The following STK17B variants were observed in gnomAD, a reference collection of about 807,000 sequenced individuals.
STK17B encodes the protein serine/threonine-protein kinase 17B.
Under a neutral mutation model 42.0 loss-of-function variants are expected in STK17B, and 21 were observed. That is an observed-to-expected ratio of 0.50 (90% CI 0.35 to 0.72). The LOEUF is 0.72. Among genes scored for constraint, STK17B ranks in the 30% least tolerant of loss-of-function variants. The probability of loss-of-function intolerance (pLI) is 0.00; values close to 1 mark genes in which losing one functional copy is unlikely to be tolerated. For synonymous variants in STK17B, 143 were observed against 148.4 expected (o/e 0.96, Z 0.26); for missense variants, 349 against 446.0 (o/e 0.78, Z 1.96).
At chr2:196,173,862 G>C (rs1392008516), upstream of STK17B, among the ~76,000 whole-genome samples, 1 of 152,152 alleles carries the variant, frequency 6.6e-6, no homozygotes, top group African/African-American at 2.4e-5. Context: ...CAGGAACTCA[G>C]AGTATGACCG....
At chr2:196,145,552 G>A (rs1044916412) in intron 4 of STK17B, among the ~76,000 whole-genome samples, 2 of 152,182 alleles carry the variant, frequency 1.3e-5, no homozygotes, top group Admixed American at 1.3e-4. Context: ...TTTATTTTCA[G>A]AGATGGAGAT....
intron 5 of STK17B, among the ~76,000 whole-genome samples, chr2:196,141,656 C>T (rs891626359): frequency 1.1e-4 from 17 of 151,870 alleles, no homozygotes; most frequent in African/African-American, 2.9e-4. Context: ...GACTCTGTCT[C>T]GGAAAAAATA....
chr2:196,139,179 G>A (rs1699454454), intron 7 of STK17B, among the ~76,000 whole-genome samples: 1 of 150,044 alleles, frequency 6.7e-6, no homozygotes, highest in Admixed American at 6.6e-5. Context: ...TTAGCCAGGA[G>A]GGTCTCAATC....
At chr2:196,141,853 A>C (rs1332196425) in intron 5 of STK17B, among the ~76,000 whole-genome samples, 1 of 152,162 alleles carries the variant, frequency 6.6e-6, no homozygotes, top group Admixed American at 6.5e-5. Flanking sequence ...CTAGGTAGTT[A>C]AACTCATTTA....
chr2:196,165,996 T>C (rs2105713808), intron 1 of STK17B: 1 of 152,368 alleles, frequency 6.6e-6, no homozygotes, highest in South Asian at 2.1e-4. Context: ...TTAGTTCTGA[T>C]AGCGCTCAGT....
chr2:196,161,511 CTTTTTTTTTTT>C (rs71009086), intron 2 of STK17B, among the ~76,000 whole-genome samples: 1 of 69,522 alleles, frequency 1.4e-5, no homozygotes, highest in Non-Finnish European at 2.5e-5. Context: ...TATTATAATT[CTTTTTTTTTTT>C]TTTTTTTTTT....
In STK17B at chr2:196,164,041, TA is replaced by T. The variant is rs1222421841; in HGVS notation, c.-44-615del. Among the ~76,000 whole-genome samples the T allele has an allele frequency of 3.9e-4, 49 of 127,248 alleles. 1 individual carries two copies. In the South Asian group the frequency reaches 7.4e-3, roughly 19 times the overall value. 83.5% of individuals were successfully genotyped at this position (127,248 alleles called of 152,430 possible). On this transcript the variant is annotated intron_variant, in intron 1 of 7. Transcript: ENST00000263955. The stretch of plus-strand genomic sequence containing the variant: ...GCAATAAAGCGAGATCTTATCTCAA[TA>T]AATAAATAAATAAATAAATAAATAA...
chr2:196,142,692 A>T (rs1699510401), intron 5 of STK17B, among the ~76,000 whole-genome samples: 1 of 152,194 alleles, frequency 6.6e-6, no homozygotes, highest in African/African-American at 2.4e-5. Context: ...TACTTCTGTG[A>T]GCTGTGTTAC....
chr2:196,165,995 A>AT (rs1431481685), intron 1 of STK17B: 9 of 152,294 alleles, frequency 5.9e-5, no homozygotes, highest in Non-Finnish European at 1.3e-4. Context: ...CTTAGTTCTG[A>AT]TAGCGCTCAG....
At chr2:196,159,093 C>G (rs528468458) in intron 2 of STK17B, among the ~76,000 whole-genome samples, 75 of 151,428 alleles carry the variant, frequency 5.0e-4, no homozygotes, top group Middle Eastern at 3.5e-3. Context: ...GATTTCGAAG[C>G]AAAAACTTGA....
Position 196,139,615 on chromosome 2 carries a change from C to T in STK17B, c.836+5G>A. Reference sequence around the variant, plus strand: ...GTAATAGTATTTAAACAAATTATTACTTACTCTGGATTTTTTACTAAAAGG... The same window carrying T: ...GTAATAGTATTTAAACAAATTATTATTTACTCTGGATTTTTTACTAAAAGG... On this transcript the variant is annotated splice_donor_5th_base_variant and intron_variant, in intron 7 of 7. Transcript: ENST00000263955. 4 of 1,355,616 alleles carry T rather than the reference C, an allele frequency of 3.0e-6. No homozygotes were observed. The highest frequency in any genetic ancestry group is 3.8e-6 in the Non-Finnish European group (4 of 1,045,124). The allele number at this position is 1,355,616 out of a possible 1,614,324, so 84.0% of individuals were successfully genotyped here.
At chr2:196,149,765 T>C (rs1199495420) in intron 3 of STK17B, among the ~76,000 whole-genome samples, 1 of 152,192 alleles carries the variant, frequency 6.6e-6, no homozygotes, top group Non-Finnish European at 1.5e-5. Context: ...GAACATATCA[T>C]AAAGTAACCA....
chr2:196,163,998 T>C (rs1463742502), intron 1 of STK17B, among the ~76,000 whole-genome samples: 1 of 151,980 alleles, frequency 6.6e-6, no homozygotes, highest in Non-Finnish European at 1.5e-5. Flanking sequence ...ATGAATGTGC[T>C]ACTGCAGTTC....
chr2:196,150,135 T>TTC (rs1307761530), intron 3 of STK17B, among the ~76,000 whole-genome samples: 1 of 141,024 alleles, frequency 7.1e-6, no homozygotes, highest in Non-Finnish European at 1.5e-5. Context: ...CAAACAAGAC[T>TTC]TCTGTTAAGG....
chr2:196,173,976 C>T (rs1189280494), upstream of STK17B, among the ~76,000 whole-genome samples: 1 of 152,070 alleles, frequency 6.6e-6, no homozygotes, highest in Non-Finnish European at 1.5e-5. Flanking sequence ...GAAATTAGGA[C>T]ACATACAACA....
At chr2:196,150,539 AAAGTT>A (rs1317568163) in intron 3 of STK17B, among the ~76,000 whole-genome samples, 8 of 152,362 alleles carry the variant, frequency 5.3e-5, no homozygotes, top group Non-Finnish European at 1.2e-4. Flanking sequence ...CCTATAACAT[AAAGTT>A]AATACATGAA....
chr2:196,163,479 G>T, intron 1 of STK17B, 52 bp from the exon 2 acceptor site: 1 of 1,378,860 alleles, frequency 7.3e-7, no homozygotes. Context: ...GGCAGGATGT[G>T]CATTACATTA....
chr2:196,155,563 C>T (rs367867333), intron 3 of STK17B, among the ~76,000 whole-genome samples: 8 of 152,038 alleles, frequency 5.3e-5, no homozygotes, highest in African/African-American at 1.7e-4. Flanking sequence ...GTTAGCAATA[C>T]ATTTTTTACT....
intron 2 of STK17B, among the ~76,000 whole-genome samples, chr2:196,161,666 A>T (rs1699814378): frequency 6.6e-6 from 1 of 151,632 alleles, no homozygotes; most frequent in South Asian, 2.1e-4. Flanking sequence ...CTACAGGCAC[A>T]CGCCACCATG....
Sources: allele counts gnomAD v4.1 joint callset (sites outside exome capture counted in the v4.1 genomes callset), GRCh38; gene constraint gnomAD v4.1.1; transcripts MANE v1.5; gene names NCBI Gene and HGNC (gene_info 2026-07-23, HGNC 2026-07-21).